The following STARD3NL variants were observed in gnomAD, a reference collection of about 807,000 sequenced individuals.
STARD3NL encodes the protein STARD3 N-terminal like.
A neutral mutation model predicts 30.9 loss-of-function variants in STARD3NL; 17 were observed. That is an observed-to-expected ratio of 0.55 (90% CI 0.38 to 0.82). The LOEUF (loss-of-function observed/expected upper bound fraction) is 0.82. Among genes scored for constraint, STARD3NL ranks in the 40% least tolerant of loss-of-function variants. STARD3NL has a pLI of 0.00. For synonymous variants in STARD3NL, 112 were observed against 100.5 expected (o/e 1.11, Z -0.69); for missense variants, 234 against 277.6 (o/e 0.84, Z 1.12).
At chr7:38,227,795 C>T (rs944855265) in intron 7 of STARD3NL, among the ~76,000 whole-genome samples, 3 of 151,904 alleles carry the variant, frequency 2.0e-5, no homozygotes, top group African/African-American at 7.3e-5. Flanking sequence ...GTTTAGTTTC[C>T]TTCTTGGGGT....
At chr7:38,193,419 C>T (rs891333349) in intron 1 of STARD3NL, among the ~76,000 whole-genome samples, 3 of 152,148 alleles carry the variant, frequency 2.0e-5, no homozygotes, top group Non-Finnish European at 4.4e-5. Flanking sequence ...CTGCCTCAGA[C>T]TCCCGAGTAG....
intron 2 of STARD3NL, among the ~76,000 whole-genome samples, chr7:38,209,816 C>T (rs1371514189): frequency 6.6e-6 from 1 of 152,072 alleles, no homozygotes; most frequent in Non-Finnish European, 1.5e-5. Context: ...GTAGGCTGCC[C>T]CCTGTTCTTG....
chr7:38,205,373 T>A (rs1262389534), intron 1 of STARD3NL, among the ~76,000 whole-genome samples: 1 of 152,160 alleles, frequency 6.6e-6, no homozygotes, highest in Non-Finnish European at 1.5e-5. Flanking sequence ...AGAATTCGGT[T>A]TAGGTTTATT....
At chr7:38,196,741 C>G (rs907046294) in intron 1 of STARD3NL, among the ~76,000 whole-genome samples, 1 of 151,886 alleles carries the variant, frequency 6.6e-6, no homozygotes, top group Admixed American at 6.6e-5. Context: ...TGGTTTTTAC[C>G]CAGATTTCTC....
intron 1 of STARD3NL, among the ~76,000 whole-genome samples, chr7:38,186,945 T>A (rs1279323309): frequency 6.6e-6 from 1 of 151,964 alleles, no homozygotes; most frequent in African/African-American, 2.4e-5. Context: ...AATAAAAGGT[T>A]GGAGACAATA....
chr7:38,205,585 T>C (rs2116219016), intron 1 of STARD3NL, among the ~76,000 whole-genome samples: 1 of 152,218 alleles, frequency 6.6e-6, no homozygotes, highest in Non-Finnish European at 1.5e-5. Flanking sequence ...TTGATACTAT[T>C]ATAGATACCT....
intron 1 of STARD3NL, among the ~76,000 whole-genome samples, chr7:38,203,338 T>TAAAGA (rs1372783958): frequency 6.6e-6 from 1 of 151,564 alleles, no homozygotes; most frequent in Non-Finnish European, 1.5e-5. Context: ...TCAACATTCT[T>TAAAGA]AAAGAATTTT....
chr7:38,214,439 GTATTTTT>G lies in STARD3NL; in HGVS notation c.303+9_303+15del. 6.4e-7 allele frequency: 1 copy of G among 1,564,432 alleles called. No individual in the cohort carries two copies. Among genetic ancestry groups the G allele is most frequent in the Middle Eastern group, 1.7e-4 (1 of 5,752 alleles). On this transcript the variant is annotated splice_donor_region_variant and intron_variant, in intron 3 of 8. Coordinates refer to ENST00000009041, the MANE Select transcript of STARD3NL (RefSeq NM_032016.4). ...TCTTCATATTTTGATATATTTGTAA[GTATTTTT>G]TATGTTTCATTTCAGATGTGATAAA...
intron 1 of STARD3NL, chr7:38,198,272 A>C (rs552051647): frequency 2.0e-5 from 3 of 152,404 alleles, no homozygotes; most frequent in African/African-American, 7.2e-5. Flanking sequence ...TCAGGCTGGC[A>C]AAGTCAATTG....
At chr7:38,214,657 C>A (rs1785997806) in intron 3 of STARD3NL, among the ~76,000 whole-genome samples, 1 of 152,126 alleles carries the variant, frequency 6.6e-6, no homozygotes, top group African/African-American at 2.4e-5. Context: ...TAAGGGAGGG[C>A]AACAGAAGGA....
Position 38,214,421 on chromosome 7 carries a change from A to G in STARD3NL, c.290A>G (p.Tyr97Cys). 6.3e-7 allele frequency: 1 copy of G among 1,589,258 alleles called. No homozygotes were observed. ...EVMQYDYYSS[Y>C]FDIFLLAVFR... ...ATGCAGTATGACTACTATTCTTCAT[A>G]TTTTGATATATTTGTAAGTATTTTT... Residue 97 changes from tyrosine to cysteine, a missense_variant, in exon 3 of 9, where the codon TAT (tyrosine) becomes TGT (cysteine). By Grantham distance (194) the Tyr-to-Cys change is radical (BLOSUM62 -2). Transcript: ENST00000009041.
chr7:38,200,902 G>T (rs556175497), intron 1 of STARD3NL, among the ~76,000 whole-genome samples: 64 of 152,274 alleles, frequency 4.2e-4, no homozygotes, highest in African/African-American at 1.5e-3. Flanking sequence ...GACAAAGATG[G>T]CCAAATGTTT....
intron 6 of STARD3NL, among the ~76,000 whole-genome samples, chr7:38,217,896 G>A (rs533524418): frequency 1.3e-5 from 2 of 152,260 alleles, no homozygotes; most frequent in South Asian, 2.1e-4. Context: ...AAGCCAGAGC[G>A]ACGCTCAGCC....
intron 1 of STARD3NL, among the ~76,000 whole-genome samples, chr7:38,182,096 G>C (rs1784272590): frequency 6.6e-6 from 1 of 152,172 alleles, no homozygotes; most frequent in South Asian, 2.1e-4. Context: ...ATACACAGGT[G>C]TTAAAATATA....
chr7:38,197,230 T>C (rs1784966215), intron 1 of STARD3NL, among the ~76,000 whole-genome samples: 1 of 114,692 alleles, frequency 8.7e-6, no homozygotes, highest in Admixed American at 1.0e-4. Context: ...CTTTCTTTCT[T>C]TCATTTTTTT....
intron 1 of STARD3NL, among the ~76,000 whole-genome samples, chr7:38,185,052 A>T (rs1324255953): frequency 6.6e-6 from 1 of 151,760 alleles, no homozygotes; most frequent in African/African-American, 2.4e-5. Context: ...AGCACACTTT[A>T]TTTTCTGAAT....
intron 8 of STARD3NL, among the ~76,000 whole-genome samples, chr7:38,229,090 A>G (rs923141330): frequency 3.3e-5 from 5 of 152,356 alleles, no homozygotes; most frequent in Middle Eastern, 6.8e-3. Context: ...AGATTTCTAA[A>G]TTTCTAAAGA....
chr7:38,186,800 G>A (rs1235739915), intron 1 of STARD3NL, among the ~76,000 whole-genome samples: 11 of 152,156 alleles, frequency 7.2e-5, no homozygotes, highest in Admixed American at 3.9e-4. Context: ...GTCACCTAAT[G>A]ACGCATTTCT....
rs778119963 is a variant in STARD3NL, at chr7:38,207,562, G to C, written c.58G>C (p.Ala20Pro). 5 of 1,614,022 alleles carry C rather than the reference G, an allele frequency of 3.1e-6. No homozygotes were observed. The South Asian group carries it at 4.4e-5, about 14-fold the overall frequency. The change falls in exon 2 of 9, where the codon GCT (alanine) becomes CCT (proline). Residue 20 changes from alanine to proline, a missense_variant. By Grantham distance (27) the Ala-to-Pro change is conservative. Transcript: ENST00000009041. ...NALTGSQSSH[A>P]SLRNIHSINP... The stretch of plus-strand genomic sequence containing the variant: ...TCTCACCGGGAGCCAGAGCTCCCAT[G>C]CTTCTCTGCGCAATATCCATTCCAT...
Sources: allele counts gnomAD v4.1 joint callset (sites outside exome capture counted in the v4.1 genomes callset), GRCh38; gene constraint gnomAD v4.1.1; transcripts MANE v1.5; gene names NCBI Gene and HGNC (gene_info 2026-07-23, HGNC 2026-07-21).